Variants in XIRP2 observed in about 807,000 individuals in gnomAD.
The protein encoded by XIRP2 is xin actin-binding repeat-containing protein 2.
Under a neutral mutation model 277.0 loss-of-function variants are expected in XIRP2, and 236 were observed. The ratio of observed to expected loss-of-function variants is 0.85; its 90% CI spans 0.77 to 0.95. XIRP2 has a LOEUF of 0.95. Among genes scored for constraint, XIRP2 ranks in the 40% least tolerant of loss-of-function variants. The probability of loss-of-function intolerance (pLI) is 0.00; values close to 1 mark genes in which losing one functional copy is unlikely to be tolerated. For synonymous variants in XIRP2, 1,490 were observed against 1,416.5 expected (o/e 1.05, Z -1.17); for missense variants, 4,640 against 4,157.5 (o/e 1.12, Z -3.19).
chr2:167,239,758 AT>A lies in XIRP2; in HGVS notation c.859-89del, dbSNP rs77160941. ...GAAAACTAATATACTAAAGAATCTC[AT>A]TTTTTTTCAGAAATTGTCACTGAAA... On this transcript the variant is annotated intron_variant, in intron 5 of 10. Coordinates refer to ENST00000409195, the MANE Select transcript of XIRP2 (RefSeq NM_152381.6). The A allele has an allele frequency of 1.3e-4, 137 of 1,032,760 alleles. No individual in the cohort carries two copies. The East Asian group carries it at 2.9e-3, about 22-fold the overall frequency. 64.0% of individuals were successfully genotyped at this position (1,032,760 alleles called of 1,614,324 possible). A position where few individuals can be genotyped will look rare whatever the true frequency, so the allele number is the denominator to read the frequency against.
intron 2 of XIRP2, among the ~76,000 whole-genome samples, chr2:167,095,997 C>T (rs1690304370): frequency 6.6e-6 from 1 of 150,674 alleles, no homozygotes; most frequent in Admixed American, 6.6e-5. Flanking sequence ...CCTCTGCCTC[C>T]CAAGTAGCTG....
intron 5 of XIRP2, among the ~76,000 whole-genome samples, chr2:167,237,295 C>A (rs1346008428): frequency 6.6e-6 from 1 of 152,132 alleles, no homozygotes; most frequent in Non-Finnish European, 1.5e-5. Flanking sequence ...GTCAAAATTA[C>A]ATTTATTTAC....
chr2:166,961,800 A>G (rs150754645), intron 2 of XIRP2, among the ~76,000 whole-genome samples: 222 of 151,958 alleles, frequency 1.5e-3, no homozygotes, highest in African/African-American at 5.0e-3. Context: ...TGTAAAATAT[A>G]TACTTTCAAC....
intron 2 of XIRP2, among the ~76,000 whole-genome samples, chr2:167,126,665 C>G (rs1691215721): frequency 6.6e-6 from 1 of 152,176 alleles, no homozygotes; most frequent in Non-Finnish European, 1.5e-5. Context: ...CCCTCTGCCT[C>G]TCCTCCAATA....
chr2:167,249,999 T>C lies in XIRP2; in HGVS notation c.8607T>C (p.Phe2869=). Residue 2869 remains phenylalanine (F), a synonymous_variant, in exon 9 of 11, where the codon TTT becomes TTC. Transcript: ENST00000409195. ...DAHLDSQTQN[F]QQTQIQTAES... is the part of the protein sequence containing the mutation. ...ATCTTGATTCACAGACTCAGAATTT[T>C]CAGCAAACACAAATACAGACCGCTG... 2 of 1,613,638 alleles carry C rather than the reference T, an allele frequency of 1.2e-6. No homozygotes were observed. Among genetic ancestry groups the C allele is most frequent in the Non-Finnish European group, 8.5e-7 (1 of 1,179,702 alleles).
At chr2:167,150,183 G>A (rs1291275901) in intron 3 of XIRP2, among the ~76,000 whole-genome samples, 1 of 151,702 alleles carries the variant, frequency 6.6e-6, no homozygotes, top group Non-Finnish European at 1.5e-5. Context: ...TAATAATTGA[G>A]GAAATAAAAA....
intron 2 of XIRP2, among the ~76,000 whole-genome samples, chr2:167,067,308 A>G (rs930559869): frequency 1.3e-5 from 2 of 152,060 alleles, no homozygotes; most frequent in East Asian, 1.9e-4. Flanking sequence ...ATTATGCAAT[A>G]TTTAATTTGC....
At chr2:167,172,173 G>T (rs558541154) in intron 3 of XIRP2, among the ~76,000 whole-genome samples, 1 of 152,180 alleles carries the variant, frequency 6.6e-6, no homozygotes, top group East Asian at 1.9e-4. Flanking sequence ...ATCACATGTC[G>T]GCAGGTTCCG....
In XIRP2 at chr2:167,108,802, G is replaced by A. The variant is rs1251472893; in HGVS notation, c.409-27107G>A. 2.0e-5 allele frequency among the ~76,000 whole-genome samples: 3 copies of A among 151,260 alleles called. No homozygotes were observed. The East Asian group carries it at 5.8e-4, about 29-fold the overall frequency. Reference sequence around the variant, plus strand: ...TTTAAAAATCCAAAATCTATAGTGTGATTATGTGTTTCTTGGGAGGGTTTT... The same window carrying A: ...TTTAAAAATCCAAAATCTATAGTGTAATTATGTGTTTCTTGGGAGGGTTTT... On this transcript the variant is annotated intron_variant, in intron 2 of 10. Coordinates refer to ENST00000409195, the MANE Select transcript of XIRP2 (RefSeq NM_152381.6).
intron 2 of XIRP2, among the ~76,000 whole-genome samples, chr2:167,002,761 C>T (rs952855438): frequency 6.6e-6 from 1 of 151,788 alleles, no homozygotes; most frequent in African/African-American, 2.4e-5. Flanking sequence ...TAGTAATTTT[C>T]AATGAATATT....
intron 3 of XIRP2, among the ~76,000 whole-genome samples, chr2:167,182,438 G>A (rs1374038369): frequency 6.6e-6 from 1 of 152,082 alleles, no homozygotes; most frequent in Admixed American, 6.6e-5. Context: ...GCAGAGACAG[G>A]GCCTTGCCAG....
chr2:167,081,175 G>T lies in XIRP2; in HGVS notation c.409-54734G>T, dbSNP rs562339118. Among the ~76,000 whole-genome samples the T allele has an allele frequency of 1.1e-4, 17 of 152,236 alleles. No individual in the cohort carries two copies. The East Asian group carries it at 2.7e-3, about 24-fold the overall frequency. The stretch of plus-strand genomic sequence containing the variant: ...TCATTCCTTCCAATGGAAAGGAATT[G>T]AAATACAAGGGCAGGCACAGTGTCT... On this transcript the variant is annotated intron_variant, in intron 2 of 10. Coordinates refer to ENST00000409195, the MANE Select transcript of XIRP2 (RefSeq NM_152381.6).
intron 2 of XIRP2, among the ~76,000 whole-genome samples, chr2:166,929,519 T>C (rs1574086660): frequency 6.6e-6 from 1 of 152,136 alleles, no homozygotes; most frequent in Non-Finnish European, 1.5e-5. Flanking sequence ...AGTTGTAGTA[T>C]TGTGAGTGGA....
intron 3 of XIRP2, among the ~76,000 whole-genome samples, chr2:167,183,324 T>C (rs1693068776): frequency 6.6e-6 from 1 of 152,158 alleles, no homozygotes; most frequent in South Asian, 2.1e-4. Context: ...CATGAGAGAA[T>C]GTAGATGTAG....
intron 2 of XIRP2, among the ~76,000 whole-genome samples, chr2:166,909,953 G>A (rs1684652528): frequency 6.6e-6 from 1 of 152,128 alleles, no homozygotes. Flanking sequence ...TGCATCCCAG[G>A]GATGAAGCCC....
chr2:166,923,633 A>G (rs767269296), intron 2 of XIRP2, among the ~76,000 whole-genome samples: 2 of 152,086 alleles, frequency 1.3e-5, no homozygotes, highest in Non-Finnish European at 2.9e-5. Context: ...AACTCCCTCC[A>G]AAGTTTGGAA....
intron 2 of XIRP2, among the ~76,000 whole-genome samples, chr2:167,131,769 A>G (rs1357976689): frequency 1.3e-5 from 2 of 151,982 alleles, no homozygotes; most frequent in Non-Finnish European, 2.9e-5. Flanking sequence ...TTCAATTACC[A>G]CGGAAGGCAG....
intron 2 of XIRP2, among the ~76,000 whole-genome samples, chr2:166,961,740 A>T (rs917590614): frequency 2.3e-4 from 35 of 151,776 alleles, no homozygotes; most frequent in African/African-American, 8.2e-4. Context: ...ACTTAAAATT[A>T]TATTTTTTAC....
chr2:166,912,102 C>G (rs1250475454), intron 2 of XIRP2, among the ~76,000 whole-genome samples: 1 of 152,086 alleles, frequency 6.6e-6, no homozygotes, highest in Non-Finnish European at 1.5e-5. Flanking sequence ...TTGCTCTTCT[C>G]GAGGAGTATC....
Sources: allele counts gnomAD v4.1 joint callset (sites outside exome capture counted in the v4.1 genomes callset), GRCh38; gene constraint gnomAD v4.1.1; transcripts MANE v1.5; gene names NCBI Gene and HGNC (gene_info 2026-07-23, HGNC 2026-07-21).